The following MAP3K19 variants were observed in gnomAD, a reference collection of about 807,000 sequenced individuals.
MAP3K19 encodes the protein mitogen-activated protein kinase kinase kinase 19.
Under a neutral mutation model 114.4 loss-of-function variants are expected in MAP3K19, and 91 were observed. The ratio of observed to expected loss-of-function variants is 0.80; its 90% confidence interval spans 0.67 to 0.95. MAP3K19 has a LOEUF of 0.95. Ranked by LOEUF, MAP3K19 falls within the 40% of genes least tolerant of loss-of-function variation. The probability of loss-of-function intolerance (pLI) is 0.00; values close to 1 mark genes in which losing one functional copy is unlikely to be tolerated. For missense variants in MAP3K19, 1,471 were observed against 1,573.2 expected, an observed-to-expected ratio of 0.94 and a Z score of 1.10; for synonymous variants, 518 against 530.5, an observed-to-expected ratio of 0.98 and a Z score of 0.32.
In MAP3K19 at chr2:134,981,185, C is replaced by T. The variant is rs768975491; in HGVS notation, c.3556G>A (p.Asp1186Asn). The T allele has an allele frequency of 4.3e-6, 7 of 1,613,938 alleles. No individual in the cohort carries two copies. Among genetic ancestry groups the T allele is most frequent in the East Asian group, 2.2e-5 (1 of 44,898 alleles). Residue 1186 changes from aspartate (D) to asparagine (N), a missense_variant, in exon 12 of 13, where the codon GAT (aspartate) becomes AAT (asparagine). By Grantham distance (23) the Asp-to-Asn change is conservative. Transcript: ENST00000392915. The stretch of plus-strand genomic sequence containing the variant: ...AGCATAACATTATTTCCTTTGATAT[C>T]GCGATGTACCACACAGTTCTCATGG... ...YLHENCVVHR[D>N]IKGNNVMLMP...
chr2:134,974,165 G>A lies in MAP3K19; in HGVS notation c.3920+6656C>T, dbSNP rs939740489. Among the ~76,000 whole-genome samples, 23 of 151,842 alleles carry A rather than the reference G, an allele frequency of 1.5e-4. 1 individual carries two copies. The highest frequency in any genetic ancestry group is 4.4e-5 in the Non-Finnish European group (3 of 67,930). On this transcript the variant is annotated intron_variant, in intron 12 of 12. Coordinates refer to ENST00000392915, the MANE Select transcript of MAP3K19 (RefSeq NM_025052.5). ...TACAGGCATGTACCACCACACCTGG[G>A]CAATTTTGTATTTTTAGTAGAGATG...
chr2:135,044,671 C>A (rs565770168), intron 1 of MAP3K19, among the ~76,000 whole-genome samples: 1 of 152,294 alleles, frequency 6.6e-6, no homozygotes, highest in East Asian at 1.9e-4. Context: ...TTTCCGTTTT[C>A]ATGTTTGGAC....
intron 11 of MAP3K19, chr2:134,983,132 C>T (rs1684821374): frequency 2.0e-6 from 1 of 511,926 alleles, no homozygotes; most frequent in South Asian, 1.5e-5. Context: ...ACTGTGTTAT[C>T]AAACACTAGA....
intron 2 of MAP3K19, among the ~76,000 whole-genome samples, chr2:135,034,763 C>A (rs1218475971): frequency 7.1e-6 from 1 of 140,984 alleles, no homozygotes; most frequent in African/African-American, 2.7e-5. Flanking sequence ...AGTCCAGCTT[C>A]GGCTGGGCAT....
At chr2:134,983,574 T>C (rs1684860680) in intron 11 of MAP3K19, 102 bp downstream of exon 11, 4 of 781,108 alleles carry the variant, frequency 5.1e-6, no homozygotes, top group Admixed American at 3.3e-5. Flanking sequence ...AAAGAGTGCT[T>C]GCCAGAGGAA....
At chr2:135,042,448 G>T (rs1365886585) in intron 1 of MAP3K19, among the ~76,000 whole-genome samples, 1 of 149,920 alleles carries the variant, frequency 6.7e-6, no homozygotes, top group Non-Finnish European at 1.5e-5. Context: ...CTTGCAGTGA[G>T]CTGAGATCGC....
intron 5 of MAP3K19, among the ~76,000 whole-genome samples, chr2:135,019,957 G>T (rs1687856722): frequency 3.3e-5 from 5 of 152,064 alleles, no homozygotes; most frequent in Admixed American, 3.3e-4. Flanking sequence ...GCCACGAGGA[G>T]GCACCTCCTT....
chr2:134,988,227 C>T lies in MAP3K19; in HGVS notation c.645G>A (p.Leu215=). 4 of 1,582,910 alleles carry T rather than the reference C, an allele frequency of 2.5e-6. No homozygotes were observed. The highest frequency in any genetic ancestry group is 1.8e-5 in the Admixed American group (1 of 55,326). The change falls in exon 10 of 13, where the codon TTG becomes TTA. Residue 215 remains leucine (L), a synonymous_variant. Coordinates refer to ENST00000392915, the MANE Select transcript of MAP3K19 (RefSeq NM_025052.5). ...IKFLLPPLSL[L]PTRSGVLTIP... ...TAGTAAGGACACCAGATCGCGTGGG[C>T]AAGAGTGACAGTGGTGGCAGAAGGA...
intron 5 of MAP3K19, among the ~76,000 whole-genome samples, chr2:135,007,671 A>C (rs1271042422): frequency 6.6e-6 from 1 of 151,860 alleles, no homozygotes; most frequent in African/African-American, 2.4e-5. Context: ...ATCTCCTGGC[A>C]AAAGTTGGGT....
intron 8 of MAP3K19, among the ~76,000 whole-genome samples, chr2:134,996,711 GA>G (rs1686017742): frequency 6.6e-6 from 1 of 152,166 alleles, no homozygotes; most frequent in Non-Finnish European, 1.5e-5. Context: ...ATCATGCTGC[GA>G]AGGAAGAGTG....
chr2:134,968,055 A>G (rs913686176), intron 12 of MAP3K19, among the ~76,000 whole-genome samples: 4 of 152,038 alleles, frequency 2.6e-5, no homozygotes, highest in East Asian at 1.9e-4. Context: ...GGGAATGGTG[A>G]TGACTCCCAA....
chr2:134,972,346 A>T (rs1247916847), intron 12 of MAP3K19, among the ~76,000 whole-genome samples: 1 of 152,202 alleles, frequency 6.6e-6, no homozygotes, highest in Non-Finnish European at 1.5e-5. Flanking sequence ...AAGTGAGGAC[A>T]TGCAATGTTT....
chr2:135,021,899 C>G, intron 4 of MAP3K19, 69 bp from the exon 5 acceptor site: 1 of 938,730 alleles, frequency 1.1e-6, no homozygotes, highest in Non-Finnish European at 1.6e-6. Flanking sequence ...GAAGATCTAG[C>G]TCTATGTTCT....
intron 12 of MAP3K19, among the ~76,000 whole-genome samples, chr2:134,968,274 C>T (rs561652548): frequency 2.8e-4 from 42 of 152,232 alleles, no homozygotes; most frequent in African/African-American, 9.6e-4. Flanking sequence ...TACACAGACA[C>T]GGCAACCATC....
intron 9 of MAP3K19, chr2:134,991,228 G>GA (rs1471972663): frequency 3.3e-6 from 1 of 307,326 alleles, no homozygotes; most frequent in Admixed American, 4.1e-5. Context: ...GTGAACCCGG[G>GA]AGGCGGAGCT....
rs1341979990 is a variant in MAP3K19 at position 134,968,434 on chromosome 2, G to A, written c.3921-3518C>T. ...GGGCTCCTCACATCCCAGTAGGGGCGGCCGGGCAGAGGCGCCCCTCACCTC... is the reference window on the plus strand; with the variant it reads ...GGGCTCCTCACATCCCAGTAGGGGCAGCCGGGCAGAGGCGCCCCTCACCTC... On this transcript the variant is annotated intron_variant, in intron 12 of 12. Transcript: ENST00000392915. Among the ~76,000 whole-genome samples the A allele has an allele frequency of 6.0e-5, 9 of 149,390 alleles. No homozygotes were observed. In the East Asian group the frequency reaches 6.1e-4, roughly 10 times the overall value.
chr2:134,994,971 T>G (rs1005895173), intron 8 of MAP3K19, among the ~76,000 whole-genome samples: 18 of 152,152 alleles, frequency 1.2e-4, no homozygotes, highest in African/African-American at 2.9e-4. Context: ...CCGTGTACCC[T>G]TTCTCAAGAA....
chr2:134,980,262 A>T (rs945122357), intron 12 of MAP3K19, among the ~76,000 whole-genome samples: 2 of 152,216 alleles, frequency 1.3e-5, no homozygotes, highest in African/African-American at 4.8e-5. Flanking sequence ...AAATTTGAAA[A>T]TCACAGCACT....
chr2:134,988,395 T>C lies in MAP3K19; in HGVS notation c.619-142A>G, dbSNP rs374794278. On this transcript the variant is annotated intron_variant, in intron 9 of 12. Coordinates refer to ENST00000392915, the MANE Select transcript of MAP3K19 (RefSeq NM_025052.5). ...AAAGCTATCCTGGAAATCACAATTC[T>C]TTTTTTTCTTCTTGAGACAAGATCT... 221 of 717,248 alleles carry C rather than the reference T, an allele frequency of 3.1e-4. 2 individuals are homozygous for C. The East Asian group carries it at 4.6e-3, about 15-fold the overall frequency. 44.4% of individuals were successfully genotyped at this position (717,248 alleles called of 1,614,324 possible).
Sources: allele counts gnomAD v4.1 joint callset (sites outside exome capture counted in the v4.1 genomes callset), GRCh38; gene constraint gnomAD v4.1.1; transcripts MANE v1.5; gene names NCBI Gene and HGNC (gene_info 2026-07-23, HGNC 2026-07-21).